Variants in PCDHA13 observed in about 807,000 individuals in gnomAD.
PCDHA13 encodes protocadherin alpha-13.
Under a neutral mutation model 64.8 loss-of-function variants are expected in PCDHA13, and 54 were observed. That is an observed-to-expected ratio of 0.83 (90% CI 0.67 to 1.04). The LOEUF (loss-of-function observed/expected upper bound fraction) is 1.04. PCDHA13 is among the 50% of genes least tolerant of loss of function. The pLI is 0.00. For missense variants in PCDHA13, 1,248 were observed against 1,254.3 expected (o/e 0.99, Z 0.08); for synonymous variants, 587 against 564.4 (o/e 1.04, Z -0.57).
chr5:140,948,276 G>A (rs375889469), intron 1 of PCDHA13, among the ~76,000 whole-genome samples: 1 of 151,520 alleles, frequency 6.6e-6, no homozygotes, highest in East Asian at 1.9e-4. Context: ...TAGAATATCT[G>A]TAAATAATTT....
intron 1 of PCDHA13, among the ~76,000 whole-genome samples, chr5:140,913,961 A>T (rs909283613): frequency 2.0e-5 from 3 of 149,744 alleles, no homozygotes; most frequent in South Asian, 2.1e-4. Context: ...TATCATTTTT[A>T]AAAAAATATT....
At chr5:140,967,784 C>T in intron 1 of PCDHA13, 3 of 1,614,174 alleles carry the variant, frequency 1.9e-6, no homozygotes, top group South Asian at 1.1e-5. Context: ...GGCGACTGAC[C>T]GGGGTCCAGT....
At chr5:140,928,594 G>A in intron 1 of PCDHA13, 1 of 1,614,204 alleles carries the variant, frequency 6.2e-7, no homozygotes, top group Non-Finnish European at 8.5e-7. Context: ...TGTCCCAGTG[G>A]AAATTGTGCC....
intron 1 of PCDHA13, among the ~76,000 whole-genome samples, chr5:140,973,052 G>C (rs114678656): frequency 0.013 from 2,011 of 152,210 alleles, 55 homozygotes; most frequent in African/African-American, 0.046. Flanking sequence ...TAGTAGATTT[G>C]TCCAACAGTG....
chr5:140,883,886 T>C lies in PCDHA13; in HGVS notation c.1618T>C (p.Ser540Pro). ...LLQFQVSARDSGVPPLGSNVT... is the reference protein window; with the variant it reads ...LLQFQVSARDPGVPPLGSNVT... ...GCAGTTCCAGGTGAGCGCGCGCGAC[T>C]CTGGCGTGCCGCCTCTGGGCAGCAA... The change falls in exon 1 of 4, where the codon TCT (serine) becomes CCT (proline). Residue 540 changes from serine (S) to proline (P), a missense_variant. Ser to Pro is a moderately conservative substitution (Grantham distance 74). Transcript: ENST00000289272. The C allele has an allele frequency of 6.2e-7, 1 of 1,613,156 alleles. No individual in the cohort carries two copies. The highest frequency in any genetic ancestry group is 8.5e-7 in the Non-Finnish European group (1 of 1,179,784).
At chr5:140,983,457 G>A (rs1354592991) in intron 3 of PCDHA13, among the ~76,000 whole-genome samples, 4 of 152,182 alleles carry the variant, frequency 2.6e-5, no homozygotes, top group Non-Finnish European at 4.4e-5. Flanking sequence ...TCTATTAATA[G>A]AACATCATGA....
chr5:140,994,377 G>T (rs1260163825), intron 3 of PCDHA13, among the ~76,000 whole-genome samples: 3 of 152,098 alleles, frequency 2.0e-5, no homozygotes, highest in Non-Finnish European at 4.4e-5. Context: ...GGAAATTCAG[G>T]GGACTAAGTC....
rs1554177722 is a variant in PCDHA13, at chr5:140,883,333, G to T, written c.1065G>T (p.Leu355Phe). The T allele has an allele frequency of 6.2e-7, 1 of 1,614,066 alleles. No homozygotes were observed. The highest frequency in any genetic ancestry group is 8.5e-7 in the Non-Finnish European group (1 of 1,180,006). Residue 355 changes from leucine to phenylalanine, a missense_variant, in exon 1 of 4, where the codon TTG becomes TTT. By Grantham distance (22) the Leu-to-Phe change is conservative. Transcript: ENST00000289272. ...DNAPEVTITSLSLPIREDTQP... is the reference protein window; with the variant it reads ...DNAPEVTITSFSLPIREDTQP... ...CCCCAGAGGTTACCATCACTTCTTT[G>T]TCACTCCCCATCAGAGAAGACACTC... is the stretch of plus-strand genomic sequence containing the variant.
intron 3 of PCDHA13, among the ~76,000 whole-genome samples, chr5:141,000,680 T>C (rs953789526): frequency 1.3e-5 from 2 of 151,376 alleles, no homozygotes; most frequent in African/African-American, 2.4e-5. Flanking sequence ...CACCTGCCTC[T>C]GCCTCCCAAA....
At chr5:140,948,620 TTAA>T (rs1422284059) in intron 1 of PCDHA13, among the ~76,000 whole-genome samples, 3 of 151,714 alleles carry the variant, frequency 2.0e-5, no homozygotes, top group Non-Finnish European at 4.4e-5. Context: ...CACAAAGTTG[TTAA>T]TAATATTCTC....
intron 1 of PCDHA13, chr5:140,969,405 C>T (rs781817372): frequency 6.3e-7 from 1 of 1,577,066 alleles, no homozygotes; most frequent in Non-Finnish European, 8.6e-7. Flanking sequence ...TGTGATTTGG[C>T]TTTATTGAGT....
rs1285443769 is a variant in PCDHA13, at chr5:141,010,273, G to A, written c.*336G>A. 3.9e-6 allele frequency: 6 copies of A among 1,551,420 alleles called. No individual in the cohort carries two copies. The African/African-American group carries it at 8.2e-5, about 21-fold the overall frequency. Reference sequence around the variant, plus strand: ...CTCTGCCCTGTGCTCCGGGGATCCTGTCTTGATGACACTTGCAGGGCAGGC... The same window carrying A: ...CTCTGCCCTGTGCTCCGGGGATCCTATCTTGATGACACTTGCAGGGCAGGC... On this transcript the variant is annotated 3_prime_UTR_variant, in exon 4 of 4. Coordinates refer to ENST00000289272, the MANE Select transcript of PCDHA13 (RefSeq NM_018904.3).
intron 1 of PCDHA13, among the ~76,000 whole-genome samples, chr5:140,972,262 C>G (rs116021362): frequency 0.021 from 3,220 of 151,618 alleles, 50 homozygotes; most frequent in Non-Finnish European, 0.033. Context: ...ACATCAGCCT[C>G]CTGAGTAGCT....
rs377069661 is a variant in PCDHA13 at position 140,915,905 on chromosome 5, G to A, written c.2394+31243G>A. ...AGCAAGTTCCCCCTGGCCCTGGGCA[G>A]GCCCAGAGATGCTACTTGGGAGTCA... On this transcript the variant is annotated intron_variant, in intron 1 of 3. Transcript: ENST00000289272. Among the ~76,000 whole-genome samples, 6 of 152,266 alleles carry A rather than the reference G, an allele frequency of 3.9e-5. No individual in the cohort carries two copies. In the East Asian group the frequency reaches 1.2e-3, roughly 29 times the overall value.
intron 1 of PCDHA13, chr5:140,930,288 T>A (rs2086713135): frequency 6.6e-6 from 1 of 152,212 alleles, no homozygotes; most frequent in African/African-American, 2.4e-5. Context: ...CAAATACACT[T>A]AACAAATAAG....
Position 140,912,662 on chromosome 5 carries a change from T to C in PCDHA13, c.2394+28000T>C, listed in dbSNP as rs145118694. 1.9e-3 allele frequency among the ~76,000 whole-genome samples: 286 copies of C among 152,264 alleles called. 1 individual carries two copies. The highest frequency in any genetic ancestry group is 6.7e-3 in the African/African-American group (280 of 41,548). Reference sequence around the variant, plus strand: ...CTATGTTGAATAGAAGTGGTGAAAATGGGCATCCTTGACTTATTCCAGGTC... The same window carrying C: ...CTATGTTGAATAGAAGTGGTGAAAACGGGCATCCTTGACTTATTCCAGGTC... On this transcript the variant is annotated intron_variant, in intron 1 of 3. Coordinates refer to ENST00000289272, the MANE Select transcript of PCDHA13 (RefSeq NM_018904.3).
chr5:140,960,575 A>G (rs990834964), intron 1 of PCDHA13, among the ~76,000 whole-genome samples: 4 of 152,186 alleles, frequency 2.6e-5, no homozygotes, highest in Non-Finnish European at 2.9e-5. Flanking sequence ...AAACAGTTGG[A>G]AAACAGTTCA....
chr5:141,000,468 C>T (rs2097940295), intron 3 of PCDHA13, among the ~76,000 whole-genome samples: 1 of 107,380 alleles, frequency 9.3e-6, no homozygotes, highest in Non-Finnish European at 1.8e-5. Context: ...GCTCTTGTTG[C>T]CCAAGCTGGA....
At chr5:140,969,034 G>A in intron 1 of PCDHA13, 1 of 1,614,144 alleles carries the variant, frequency 6.2e-7, no homozygotes, top group East Asian at 2.2e-5. Flanking sequence ...CTGCAGAACT[G>A]TACAAACAAG....
Sources: gnomAD v4.1 joint callset for allele counts (sites outside exome capture counted in the v4.1 genomes callset) on GRCh38, gnomAD v4.1.1 for gene constraint, MANE v1.5 for transcripts, NCBI Gene and HGNC (gene_info 2026-07-23, HGNC 2026-07-21) for gene names.